Variants in USP49 observed in about 807,000 individuals in gnomAD.
USP49 encodes ubiquitin specific peptidase 49.
USP49 carries 24 observed loss-of-function variants against 58.6 expected under a neutral mutation model. That is an observed-to-expected ratio of 0.41 (90% CI 0.30 to 0.58). The LOEUF (loss-of-function observed/expected upper bound fraction) is 0.58, where lower values mean the gene tolerates loss of function less well. Ranked by LOEUF, USP49 falls within the 20% of genes least tolerant of loss-of-function variation. The pLI is 0.30. For missense variants in USP49, 703 were observed against 866.1 expected, an observed-to-expected ratio of 0.81 and a Z score of 2.36; for synonymous variants, 408 against 365.1, an observed-to-expected ratio of 1.12 and a Z score of -1.34.
intron 5 of USP49, among the ~76,000 whole-genome samples, chr6:41,802,448 A>AT (rs1363216201): frequency 1.7e-4 from 9 of 53,336 alleles, no homozygotes; most frequent in East Asian, 4.7e-4. Context: ...TTATTTATTT[A>AT]TTTATTTATT....
In USP49 at chr6:41,835,720, AG is replaced by A. The variant is rs67003799; in HGVS notation, c.-28-28710del. ...AGAGTGAGACTCTAAAAAAAAAAAC[AG>A]AAAAAAAAACACCAGAAAATCCAAG... On this transcript the variant is annotated intron_variant, in intron 3 of 7. Transcript: ENST00000682992. 3.1e-4 allele frequency among the ~76,000 whole-genome samples: 35 copies of A among 114,580 alleles called. 1 individual carries two copies. The highest frequency in any genetic ancestry group is 5.6e-4 in the South Asian group (2 of 3,580). 75.2% of individuals were successfully genotyped at this position (114,580 alleles called of 152,430 possible).
chr6:41,795,855 T>C lies in USP49; in HGVS notation c.*678A>G, dbSNP rs536575430. 1.3e-5 allele frequency: 2 copies of C among 152,166 alleles called. No individual in the cohort carries two copies. The highest frequency in any genetic ancestry group is 2.9e-5 in the Non-Finnish European group (2 of 68,020). The allele number at this position is 152,166 out of a possible 1,614,324, so 9.4% of individuals were successfully genotyped here. The stretch of plus-strand genomic sequence containing the variant: ...CTTCTTTAGAATGAAGGGGTATTCA[T>C]GCCAGTCTCAGAAGTATGGAATGAT... On this transcript the variant is annotated 3_prime_UTR_variant, in exon 8 of 8. Coordinates refer to ENST00000682992, the MANE Select transcript of USP49 (RefSeq NM_001286554.2).
rs1488826506 is a variant in USP49, at chr6:41,806,522, C to A, written c.462G>T (p.Thr154=). 6.3e-7 allele frequency: 1 copy of A among 1,599,480 alleles called. No individual in the cohort carries two copies. Among genetic ancestry groups the A allele is most frequent in the South Asian group, 1.1e-5 (1 of 90,960 alleles). The part of the protein sequence containing the change: ...WYRRQRLLAR[T]LRLWFEKSSR... ...AGCTCTTCTCGAACCACAGCCGCAG[C>A]GTCCTGGCCAGCAGGCGCTGACGCC... Residue 154 remains threonine, a synonymous_variant, in exon 4 of 8, where the codon ACG becomes ACT. Transcript: ENST00000682992. The surrounding 1 kb of genome is among the most constrained non-coding windows in gnomAD (Gnocchi z 5.9).
At chr6:41,881,096 A>G (rs1352224662) in intron 2 of USP49, among the ~76,000 whole-genome samples, 1 of 151,146 alleles carries the variant, frequency 6.6e-6, no homozygotes, top group African/African-American at 2.4e-5. Flanking sequence ...CCACACCTGG[A>G]TAATTTTTTG....
intron 3 of USP49, among the ~76,000 whole-genome samples, chr6:41,840,538 C>T (rs1431153273): frequency 6.6e-6 from 1 of 152,048 alleles, no homozygotes; most frequent in East Asian, 1.9e-4. Context: ...GCTGACTCCA[C>T]GGAAATGGGA....
intron 3 of USP49, among the ~76,000 whole-genome samples, chr6:41,865,983 G>T (rs529973423): frequency 7.1e-6 from 1 of 140,036 alleles, no homozygotes. Context: ...GTGCAGTGGC[G>T]CGATCTCGGC....
At position 41,894,827 on chromosome 6, in the gene USP49, G is replaced by A. The variant is rs928514070; in HGVS notation, c.-185+497C>T. On this transcript the variant is annotated intron_variant, in intron 1 of 7. Coordinates refer to ENST00000682992, the MANE Select transcript of USP49 (RefSeq NM_001286554.2). ...TGCCTCCTTCCTATCTCCTTGGCTG[G>A]CTTTTTCTCACTCCTCCTCTCCCTG... Among the ~76,000 whole-genome samples the A allele has an allele frequency of 1.3e-5, 2 of 151,890 alleles. 1 individual carries two copies. Among genetic ancestry groups the A allele is most frequent in the South Asian group, 4.1e-4 (2 of 4,820 alleles).
At chr6:41,819,153 T>C (rs954993202) in intron 3 of USP49, among the ~76,000 whole-genome samples, 1 of 151,954 alleles carries the variant, frequency 6.6e-6, no homozygotes, top group Non-Finnish European at 1.5e-5. Flanking sequence ...CCAAACAGCA[T>C]GTGGATATCT....
intron 3 of USP49, among the ~76,000 whole-genome samples, chr6:41,868,369 C>G (rs1034948588): frequency 2.6e-5 from 4 of 152,120 alleles, no homozygotes; most frequent in Non-Finnish European, 5.9e-5. Flanking sequence ...CGCTCTGTTG[C>G]CAGGCTGGAG....
Position 41,806,956 on chromosome 6 carries a change from A to G in USP49, c.28T>C (p.Leu10=). MDRCKHVGR[L]RLAQDHSILN... ...ATGGAGTGGTCCTGGGCGAGCCGTA[A>G]CCGCCCTACATGTTTGCATCTATCC... The change falls in exon 4 of 8, where the codon TTA becomes CTA. Residue 10 remains leucine, a synonymous_variant. Transcript: ENST00000682992. The surrounding 1 kb of genome is among the most constrained non-coding windows in gnomAD (Gnocchi z 5.9). 6.2e-7 allele frequency: 1 copy of G among 1,605,932 alleles called. No homozygotes were observed.
At chr6:41,839,404 C>CAAAAAAAAAAAAA (rs538220746) in intron 3 of USP49, among the ~76,000 whole-genome samples, 3 of 22,256 alleles carry the variant, frequency 1.3e-4, no homozygotes, top group Non-Finnish European at 1.7e-4. Context: ...GGCCTTGTCT[C>CAAAAAAAAAAAAA]AAAAAAAAAA....
intron 6 of USP49, 110 bp from the exon 7 acceptor site, chr6:41,799,039 G>T: frequency 7.2e-7 from 1 of 1,390,644 alleles, no homozygotes. Flanking sequence ...TTCTGGTTTT[G>T]GTTTTCCCAT....
rs1325602152 is a variant in USP49 at position 41,805,756 on chromosome 6, T to TAG, written c.1227_1228insCT (p.Lys410LeufsTer30). 6.2e-7 allele frequency: 1 copy of TAG among 1,613,998 alleles called. No individual in the cohort carries two copies. Among genetic ancestry groups the TAG allele is most frequent in the Admixed American group, 1.7e-5 (1 of 60,004 alleles). On this transcript the variant is annotated frameshift_variant, in exon 4 of 8. Coordinates refer to ENST00000682992, the MANE Select transcript of USP49 (RefSeq NM_001286554.2). LOFTEE classifies it high-confidence loss of function. ...TCAGACTCGAGTTCCTGCTGCACCT[T>TAG]GTGCAGCAGCTCGCAGAGAAATTCC...
chr6:41,872,578 T>C (rs1561924309), intron 2 of USP49, among the ~76,000 whole-genome samples: 1 of 150,468 alleles, frequency 6.6e-6, no homozygotes, highest in Non-Finnish European at 1.5e-5. Flanking sequence ...GGAGTACATA[T>C]ATATATATAA....
chr6:41,796,881 C>T (rs1772895237), intron 7 of USP49, among the ~76,000 whole-genome samples, 158 bp from the exon 8 acceptor site: 1 of 151,526 alleles, frequency 6.6e-6, no homozygotes, highest in Non-Finnish European at 1.5e-5. Flanking sequence ...AACTGACAGA[C>T]TTTTGTGTAT....
In USP49 at chr6:41,888,227, G is replaced by A. The variant is rs569559047; in HGVS notation, c.-103+3567C>T. On this transcript the variant is annotated intron_variant, in intron 2 of 7. Coordinates refer to ENST00000682992, the MANE Select transcript of USP49 (RefSeq NM_001286554.2). ...GCACCATCATGCCCAGCTAATTTTTGTATTTTTAGCAGAGACAGGGTTTCA... is the reference window on the plus strand; with the variant it reads ...GCACCATCATGCCCAGCTAATTTTTATATTTTTAGCAGAGACAGGGTTTCA... Among the ~76,000 whole-genome samples the A allele has an allele frequency of 4.0e-4, 60 of 151,628 alleles. 1 individual carries two copies. Among genetic ancestry groups the A allele is most frequent in the Admixed American group, 3.9e-3 (60 of 15,232 alleles).
At chr6:41,873,010 A>T (rs1774441024) in intron 2 of USP49, 1 of 152,234 alleles carries the variant, frequency 6.6e-6, no homozygotes, top group African/African-American at 2.4e-5. Context: ...GGCTGTCAAG[A>T]TCCTAGAACG....
intron 3 of USP49, among the ~76,000 whole-genome samples, chr6:41,821,987 C>T (rs1773460747): frequency 6.6e-6 from 1 of 152,160 alleles, no homozygotes; most frequent in Non-Finnish European, 1.5e-5. Context: ...TATTCACAAA[C>T]ACCAACCAAC....
rs775831160 is a variant in USP49, at chr6:41,798,891, T to A, written c.1709A>T (p.His570Leu). 6.2e-7 allele frequency: 1 copy of A among 1,613,912 alleles called. No individual in the cohort carries two copies. The highest frequency in any genetic ancestry group is 8.5e-7 in the Non-Finnish European group (1 of 1,179,952). Residue 570 changes from histidine (H) to leucine (L), a missense_variant, in exon 7 of 8, where the codon CAT becomes CTT. Physicochemically the swap from His to Leu is moderately conservative, Grantham distance 99 (BLOSUM62 -3). This residue lies in a region of USP49 where 158 missense variants were observed against 241.2 expected (regional missense o/e 0.66). Coordinates refer to ENST00000682992, the MANE Select transcript of USP49 (RefSeq NM_001286554.2). Reference protein sequence around the residue: ...GRNHREKIGVHVVFDQVLTME... With the variant: ...GRNHREKIGVLVVFDQVLTME... The stretch of plus-strand genomic sequence containing the variant: ...GGTTAATACCTGGTCAAAGACGACA[T>A]GGACCCCAATCTTCTCTCGATGATT...
Sources: gnomAD v4.1 joint callset for allele counts (sites outside exome capture counted in the v4.1 genomes callset) on GRCh38, gnomAD v4.1.1 for gene constraint, gnomAD v4.1.1 regional missense constraint, Gnocchi (gnomAD v3.1) non-coding constraint, MANE v1.5 for transcripts, NCBI Gene and HGNC (gene_info 2026-07-23, HGNC 2026-07-21) for gene names.